Variants in CLSTN1 observed in about 807,000 individuals in gnomAD.
CLSTN1 encodes calsyntenin-1.
A neutral mutation model predicts 108.3 loss-of-function variants in CLSTN1; 28 were observed. That is an observed-to-expected ratio of 0.26 (90% confidence interval 0.19 to 0.35). CLSTN1 has a LOEUF of 0.35. Among genes scored for constraint, CLSTN1 ranks in the 10% least tolerant of loss-of-function variants. The probability of loss-of-function intolerance (pLI) is 1.00; values close to 1 mark genes in which losing one functional copy is unlikely to be tolerated. For synonymous variants in CLSTN1, 524 were observed against 534.9 expected (o/e 0.98, Z 0.28); for missense variants, 1,157 against 1,302.6 (o/e 0.89, Z 1.72).
chr1:9,786,648 C>CAAAAAAA (rs36003203), intron 1 of CLSTN1, among the ~76,000 whole-genome samples: 7 of 37,058 alleles, frequency 1.9e-4, no homozygotes, highest in African/African-American at 3.2e-4. Flanking sequence ...GACTCCGTCT[C>CAAAAAAA]AAAAAAAAAA....
At chr1:9,780,789 A>G (rs757406576) in intron 1 of CLSTN1, 11 of 174,094 alleles carry the variant, frequency 6.3e-5, no homozygotes, top group Non-Finnish European at 1.1e-4. Context: ...ATTTCATCAC[A>G]TTCTAGGAGG....
At chr1:9,815,022 T>A (rs1654915408) in intron 1 of CLSTN1, among the ~76,000 whole-genome samples, 1 of 152,258 alleles carries the variant, frequency 6.6e-6, no homozygotes, top group African/African-American at 2.4e-5. Context: ...TGACTCTGCA[T>A]GTGTCTGGGT....
At chr1:9,783,095 C>T (rs1653325645) in intron 1 of CLSTN1, among the ~76,000 whole-genome samples, 2 of 152,168 alleles carry the variant, frequency 1.3e-5, no homozygotes, top group Non-Finnish European at 2.9e-5. Flanking sequence ...AGCCCAGACG[C>T]CAACCACAGG....
chr1:9,797,709 G>A (rs764043930), intron 1 of CLSTN1, among the ~76,000 whole-genome samples: 1 of 152,102 alleles, frequency 6.6e-6, no homozygotes, highest in Admixed American at 6.6e-5. Flanking sequence ...ACAGCTGAAG[G>A]AACAGAGGAG....
intron 1 of CLSTN1, among the ~76,000 whole-genome samples, chr1:9,812,302 T>G (rs919101922): frequency 6.6e-6 from 1 of 151,898 alleles, no homozygotes; most frequent in Non-Finnish European, 1.5e-5. Context: ...GATGGAAAGA[T>G]GAAGGGGAAA....
intron 2 of CLSTN1, among the ~76,000 whole-genome samples, chr1:9,766,890 T>G (rs1330715932): frequency 2.6e-5 from 4 of 152,322 alleles, no homozygotes; most frequent in African/African-American, 9.6e-5. Context: ...TACAAGGAGC[T>G]TCAATGACTA....
At position 9,793,533 on chromosome 1, in the gene CLSTN1, A is replaced by C. The variant is rs945030055; in HGVS notation, c.92-20139T>G. Among the ~76,000 whole-genome samples the C allele has an allele frequency of 2.0e-5, 3 of 151,486 alleles. 1 individual carries two copies. The Admixed American group carries it at 2.0e-4, about 10-fold the overall frequency. On this transcript the variant is annotated intron_variant, in intron 1 of 18. Coordinates refer to ENST00000377298, the MANE Select transcript of CLSTN1 (RefSeq NM_001009566.3). ...TGTGGAACAATTTGATGCACTCCCC[A>C]ACAGAGAACAATGGCCTCACAGAAG...
Position 9,735,054 on chromosome 1 carries a change from A to G in CLSTN1, c.2004T>C (p.Ser668=). 1 of 1,614,234 alleles carries G rather than the reference A, an allele frequency of 6.2e-7. No homozygotes were observed. Among genetic ancestry groups the G allele is most frequent in the South Asian group, 1.1e-5 (1 of 91,086 alleles). The stretch of plus-strand genomic sequence containing the variant: ...ACACCCCTTCTGAGCTTTCAAATTC[A>G]GAAGCTGCTCGGGCAAAATGGTGGA... ...SGVHHFARAA[S]EFESSEGVFL... Residue 668 remains serine (S), a synonymous_variant, in exon 14 of 19, where the codon TCT becomes TCC. Coordinates refer to ENST00000377298, the MANE Select transcript of CLSTN1 (RefSeq NM_001009566.3).
chr1:9,773,899 AT>A lies in CLSTN1; in HGVS notation c.92-506del, dbSNP rs57507445. Among the ~76,000 whole-genome samples the A allele has an allele frequency of 8.0e-3, 1,066 of 133,110 alleles. 1 individual carries two copies. Among genetic ancestry groups the A allele is most frequent in the Admixed American group, 9.7e-3 (128 of 13,196 alleles). The allele number at this position is 133,110 out of a possible 152,430, so 87.3% of individuals were successfully genotyped here. On this transcript the variant is annotated intron_variant, in intron 1 of 18. Transcript: ENST00000377298. Reference sequence around the variant, plus strand: ...GTGTGTGCACCACCATACTTGACTTATTTTTTTTTTTTTTTTACTCTTTGTA... The same window carrying A: ...GTGTGTGCACCACCATACTTGACTTATTTTTTTTTTTTTTTACTCTTTGTA...
At chr1:9,792,165 G>A (rs542833006) in intron 1 of CLSTN1, among the ~76,000 whole-genome samples, 15 of 150,948 alleles carry the variant, frequency 9.9e-5, no homozygotes, top group African/African-American at 3.4e-4. Flanking sequence ...CAGCTTAGGC[G>A]ACAGCGAGAC....
chr1:9,812,795 C>T (rs1458849247), intron 1 of CLSTN1, among the ~76,000 whole-genome samples: 1 of 148,800 alleles, frequency 6.7e-6, no homozygotes, highest in African/African-American at 2.5e-5. Context: ...TTGTGGTGAG[C>T]TGAGATCACG....
intron 1 of CLSTN1, among the ~76,000 whole-genome samples, chr1:9,815,530 A>C (rs989015961): frequency 6.6e-6 from 1 of 152,228 alleles, no homozygotes; most frequent in African/African-American, 2.4e-5. Flanking sequence ...CAAACTAGAA[A>C]ACTGTGAAAT....
intron 1 of CLSTN1, among the ~76,000 whole-genome samples, chr1:9,785,510 G>C (rs996111374): frequency 6.6e-6 from 1 of 152,160 alleles, no homozygotes; most frequent in African/African-American, 2.4e-5. Flanking sequence ...CTCTGGGCCA[G>C]ACAATGTTTA....
chr1:9,753,389 C>A (rs1464391360), intron 4 of CLSTN1, among the ~76,000 whole-genome samples: 5 of 152,116 alleles, frequency 3.3e-5, no homozygotes. Context: ...GTTGTCTTGT[C>A]CAAAGCCCTC....
At chr1:9,740,357 G>A (rs1381550384) in intron 10 of CLSTN1, among the ~76,000 whole-genome samples, 1 of 152,194 alleles carries the variant, frequency 6.6e-6, no homozygotes, top group Non-Finnish European at 1.5e-5. Context: ...ACCGCGCCTG[G>A]CCCACAGGCT....
At chr1:9,746,376 C>T (rs1196807043) in intron 7 of CLSTN1, among the ~76,000 whole-genome samples, 1 of 152,230 alleles carries the variant, frequency 6.6e-6, no homozygotes, top group African/African-American at 2.4e-5. Flanking sequence ...CAGGCCTTGG[C>T]TGGACCAGCC....
intron 1 of CLSTN1, among the ~76,000 whole-genome samples, chr1:9,802,010 T>C (rs146515509): frequency 3.9e-5 from 6 of 152,232 alleles, no homozygotes; most frequent in African/African-American, 1.4e-4. Flanking sequence ...CTTTACAAAA[T>C]TGGTTCAATC....
In CLSTN1 at chr1:9,735,038, C is replaced by T. The variant is rs766796356; in HGVS notation, c.2020G>A (p.Glu674Lys). 6 of 1,614,146 alleles carry T rather than the reference C, an allele frequency of 3.7e-6. No homozygotes were observed. The highest frequency in any genetic ancestry group is 5.1e-6 in the Non-Finnish European group (6 of 1,180,060). The change falls in exon 14 of 19, where the codon GAA becomes AAA. Residue 674 changes from glutamate (E) to lysine (K), a missense_variant. Coordinates refer to ENST00000377298, the MANE Select transcript of CLSTN1 (RefSeq NM_001009566.3). ...AGCTCAGGGAAAAGGAACACCCCTTCTGAGCTTTCAAATTCAGAAGCTGCT... is the reference window on the plus strand; with the variant it reads ...AGCTCAGGGAAAAGGAACACCCCTTTTGAGCTTTCAAATTCAGAAGCTGCT... The part of the protein sequence containing the change: ...ARAASEFESS[E>K]GVFLFPELRI...
chr1:9,733,928 T>G (rs1387374351), intron 15 of CLSTN1, 44 bp downstream of exon 15: 6 of 1,569,356 alleles, frequency 3.8e-6, no homozygotes, highest in Non-Finnish European at 5.2e-6. Context: ...CAAAGTCCCC[T>G]CTTGCAGCCT....
Sources: allele counts gnomAD v4.1 joint callset (sites outside exome capture counted in the v4.1 genomes callset), GRCh38; gene constraint gnomAD v4.1.1; transcripts MANE v1.5; gene names NCBI Gene and HGNC (gene_info 2026-07-23, HGNC 2026-07-21).